Variants in SYT7 observed in about 807,000 individuals in gnomAD.
The protein encoded by SYT7 is synaptotagmin-7.
In SYT7, 29 loss-of-function variants were observed where a neutral mutation model predicts 75.1. The observed-to-expected ratio is 0.39, with a 90% CI of 0.29 to 0.53. The LOEUF (loss-of-function observed/expected upper bound fraction) is 0.53, where lower values mean the gene tolerates loss of function less well. Among genes scored for constraint, SYT7 ranks in the 20% least tolerant of loss-of-function variants. The probability of loss-of-function intolerance (pLI) is 0.77; values close to 1 mark genes in which losing one functional copy is unlikely to be tolerated. For missense variants in SYT7, 693 were observed against 953.2 expected (o/e 0.73, Z 3.59); for synonymous variants, 376 against 401.7 (o/e 0.94, Z 0.76).
chr11:61,542,634 T>C lies in SYT7; in HGVS notation c.573-55A>G, dbSNP rs1007169130. The C allele has an allele frequency of 1.4e-6, 2 of 1,433,500 alleles. No individual in the cohort carries two copies. Among genetic ancestry groups the C allele is most frequent in the Non-Finnish European group, 1.8e-6 (2 of 1,097,922 alleles). 88.8% of individuals were successfully genotyped at this position (1,433,500 alleles called of 1,614,324 possible). On this transcript the variant is annotated intron_variant, in intron 5 of 12. Coordinates refer to ENST00000539008, the MANE Select transcript of SYT7 (RefSeq NM_001365809.2). The surrounding 1 kb of genome is among the most constrained non-coding windows in gnomAD (Gnocchi z 7.8). Reference sequence around the variant, plus strand: ...GGAGAAGCAGATGAAGGGATCACAGTGGAAGAGAAAGAAGCCGAGGGCCAG... The same window carrying C: ...GGAGAAGCAGATGAAGGGATCACAGCGGAAGAGAAAGAAGCCGAGGGCCAG...
intron 7 of SYT7, among the ~76,000 whole-genome samples, chr11:61,535,481 C>A (rs932631280): frequency 6.6e-6 from 1 of 152,172 alleles, no homozygotes. Flanking sequence ...GGGGTGGACA[C>A]GAGCAGAGTG....
rs972833139 is a variant in SYT7 at position 61,551,009 on chromosome 11, G to A, written c.215+375C>T. 6.6e-6 allele frequency among the ~76,000 whole-genome samples: 1 copy of A among 152,312 alleles called. No individual in the cohort carries two copies. The highest frequency in any genetic ancestry group is 6.5e-5 in the Admixed American group (1 of 15,310). On this transcript the variant is annotated intron_variant, in intron 3 of 12. Transcript: ENST00000539008. The surrounding 1 kb of genome is among the most constrained non-coding windows in gnomAD (Gnocchi z 5.3). ...GGCCCACTAGGGAGGGGCCTCCCCG[G>A]CCTAGCAGCAGGGGCCCCATGAGAG...
At chr11:61,534,606 T>G (rs1325885847) in intron 7 of SYT7, among the ~76,000 whole-genome samples, 1 of 151,824 alleles carries the variant, frequency 6.6e-6, no homozygotes, top group African/African-American at 2.4e-5. Context: ...CGAGAGGAGA[T>G]GCACTGGGGA....
Position 61,533,006 on chromosome 11 carries a change from T to C in SYT7, c.1183A>G (p.Thr395Ala). ...SSVSDLVNSLTSEMLMLSPGS... is the reference protein window; with the variant it reads ...SSVSDLVNSLASEMLMLSPGS... Reference sequence around the variant, plus strand: ...ATTCTCACCATGAGCATCTCGCTGGTGAGGGAGTTGACGAGGTCTGAGACG... The same window carrying C: ...ATTCTCACCATGAGCATCTCGCTGGCGAGGGAGTTGACGAGGTCTGAGACG... Residue 395 changes from threonine (T) to alanine (A), a missense_variant, in exon 8 of 13, where the codon ACC (threonine) becomes GCC (alanine). This residue lies in a region of SYT7 where 487 missense variants were observed against 593.2 expected (regional missense o/e 0.82). Transcript: ENST00000539008. The C allele has an allele frequency of 6.2e-7, 1 of 1,613,482 alleles. No individual in the cohort carries two copies. Among genetic ancestry groups the C allele is most frequent in the Non-Finnish European group, 8.5e-7 (1 of 1,179,994 alleles).
At position 61,551,524 on chromosome 11, in the gene SYT7, A is replaced by G; in HGVS notation, c.136-61T>C. Reference sequence around the variant, plus strand: ...AGGACTGTACCCTCCCTACCTCCCCAGAACAGGGACCCGGAGGGGAAGGAG... The same window carrying G: ...AGGACTGTACCCTCCCTACCTCCCCGGAACAGGGACCCGGAGGGGAAGGAG... On this transcript the variant is annotated intron_variant, in intron 2 of 12. Coordinates refer to ENST00000539008, the MANE Select transcript of SYT7 (RefSeq NM_001365809.2). This position sits in a 1 kb window ranked among gnomAD's most constrained non-coding sequence, Gnocchi z 5.3. The G allele has an allele frequency of 6.5e-7, 1 of 1,540,388 alleles. No homozygotes were observed. Among genetic ancestry groups the G allele is most frequent in the Non-Finnish European group, 8.9e-7 (1 of 1,117,664 alleles).
intron 1 of SYT7, among the ~76,000 whole-genome samples, chr11:61,557,540 T>C (rs1446618479): frequency 2.0e-5 from 3 of 152,108 alleles, no homozygotes; most frequent in African/African-American, 7.2e-5. Context: ...CAGCCCTTTC[T>C]CTACCTGCTC....
At chr11:61,520,389 G>A (rs947731868) in intron 12 of SYT7, among the ~76,000 whole-genome samples, 1 of 152,092 alleles carries the variant, frequency 6.6e-6, no homozygotes, top group South Asian at 2.1e-4. Flanking sequence ...AGCTGGGCAT[G>A]GTGGTACGTG....
At chr11:61,574,824 T>C (rs1377942477) in intron 1 of SYT7, among the ~76,000 whole-genome samples, 1 of 151,986 alleles carries the variant, frequency 6.6e-6, no homozygotes, top group Non-Finnish European at 1.5e-5. Flanking sequence ...CACCCCATGG[T>C]AATGAGACGG....
rs1021697820 is a variant in SYT7, at chr11:61,513,753, G to A, written c.*4874C>T. Among the ~76,000 whole-genome samples the A allele has an allele frequency of 3.9e-5, 6 of 152,212 alleles. No homozygotes were observed. The highest frequency in any genetic ancestry group is 3.9e-4 in the East Asian group (2 of 5,190). On this transcript the variant is annotated 3_prime_UTR_variant, in exon 13 of 13. Transcript: ENST00000539008. ...TGAACGTTTATTAGCACACCTGGGC[G>A]TGCCACATGGAACATGTATGCAGAC...
At chr11:61,562,048 GCACA>G (rs68109297) in intron 1 of SYT7, among the ~76,000 whole-genome samples, 7,764 of 149,276 alleles carry the variant, frequency 0.052, 387 homozygotes, top group African/African-American at 0.13. Flanking sequence ...ACACACATAT[GCACA>G]CACACACACA....
rs567910157 is a variant in SYT7 at position 61,516,438 on chromosome 11, C to A, written c.*2189G>T. 6.6e-5 allele frequency: 10 copies of A among 152,298 alleles called. No homozygotes were observed. The highest frequency in any genetic ancestry group is 2.4e-4 in the African/African-American group (10 of 41,538). 9.4% of individuals were successfully genotyped at this position (152,298 alleles called of 1,614,324 possible). ...GAGCCGTTGCCCCGCCCACTCGATA[C>A]AAGTTGGTTGGATCCCCAGGGCGAA... On this transcript the variant is annotated 3_prime_UTR_variant, in exon 13 of 13. Coordinates refer to ENST00000539008, the MANE Select transcript of SYT7 (RefSeq NM_001365809.2). This position sits in a 1 kb window ranked among gnomAD's most constrained non-coding sequence, Gnocchi z 4.6.
chr11:61,550,825 G>A (rs972665791), intron 3 of SYT7, among the ~76,000 whole-genome samples: 2 of 152,210 alleles, frequency 1.3e-5, no homozygotes, highest in African/African-American at 4.8e-5. Context: ...ACCTGGGTGA[G>A]GCAGAGACAG....
intron 7 of SYT7, among the ~76,000 whole-genome samples, chr11:61,535,234 C>T (rs551416253): frequency 1.1e-4 from 17 of 152,230 alleles, no homozygotes; most frequent in African/African-American, 3.9e-4. Flanking sequence ...CAGAGACGGG[C>T]GAAGGCTGCC....
chr11:61,514,399 A>T lies in SYT7; in HGVS notation c.*4228T>A, dbSNP rs1191987024. On this transcript the variant is annotated 3_prime_UTR_variant, in exon 13 of 13. Transcript: ENST00000539008. ...ATGGGGTACTTAGTGCAGCTCCGGG[A>T]GGCAGCTGCTGGCCCCAAGTGCTGG... 6.6e-6 allele frequency among the ~76,000 whole-genome samples: 1 copy of T among 152,166 alleles called. No homozygotes were observed. Among genetic ancestry groups the T allele is most frequent in the Non-Finnish European group, 1.5e-5 (1 of 68,024 alleles).
chr11:61,554,851 C>G (rs1197252309), intron 2 of SYT7, among the ~76,000 whole-genome samples: 1 of 152,200 alleles, frequency 6.6e-6, no homozygotes, highest in East Asian at 1.9e-4. Context: ...CACACACACT[C>G]GCACAGGGAG....
intron 8 of SYT7, chr11:61,530,825 G>C: frequency 2.0e-6 from 2 of 985,408 alleles, no homozygotes; most frequent in Non-Finnish European, 2.4e-6. Flanking sequence ...CCACAACCCT[G>C]AGCCCTACTT....
chr11:61,530,714 T>G (rs2062679363), intron 8 of SYT7: 1 of 856,696 alleles, frequency 1.2e-6, no homozygotes, highest in Admixed American at 6.2e-5. Flanking sequence ...CCTTGGCTCC[T>G]GGCTGCCAAA....
intron 1 of SYT7, among the ~76,000 whole-genome samples, chr11:61,569,770 G>C (rs1163630069): frequency 1.3e-5 from 2 of 152,160 alleles, no homozygotes; most frequent in African/African-American, 4.8e-5. Flanking sequence ...AGGGAGAAGG[G>C]GGAGGAGAGC....
chr11:61,523,762 G>A lies in SYT7; in HGVS notation c.1756+65C>T, dbSNP rs111644268. The A allele has an allele frequency of 4.8e-5, 71 of 1,483,974 alleles. No homozygotes were observed. The highest frequency in any genetic ancestry group is 1.8e-4 in the African/African-American group (13 of 72,600). The allele number at this position is 1,483,974 out of a possible 1,614,324, so 91.9% of individuals were successfully genotyped here. ...ACTGCAGACCCTGCTCTCCACATCC[G>A]GTGTAAACCTTGTGTCACCAGCACC... On this transcript the variant is annotated intron_variant, in intron 11 of 12. Transcript: ENST00000539008. This position sits in a 1 kb window ranked among gnomAD's most constrained non-coding sequence, Gnocchi z 5.0.
Sources: gnomAD v4.1 joint callset for allele counts (sites outside exome capture counted in the v4.1 genomes callset) on GRCh38, gnomAD v4.1.1 for gene constraint, gnomAD v4.1.1 regional missense constraint, Gnocchi (gnomAD v3.1) non-coding constraint, MANE v1.5 for transcripts, NCBI Gene and HGNC (gene_info 2026-07-23, HGNC 2026-07-21) for gene names.